The following BPI variants were observed in gnomAD, a reference collection of about 807,000 sequenced individuals.
BPI encodes the protein bactericidal permeability increasing protein, also known as bactericidal permeability-increasing protein.
BPI carries 48 observed loss-of-function variants against 57.6 expected under a neutral mutation model. The ratio of observed to expected loss-of-function variants is 0.83; its 90% confidence interval spans 0.66 to 1.06. BPI has a LOEUF of 1.06. Among genes scored for constraint, BPI ranks in the 50% least tolerant of loss-of-function variants. BPI has a pLI of 0.00. For missense variants in BPI, 651 were observed against 609.7 expected (o/e 1.07, Z -0.71); for synonymous variants, 237 against 238.2 (o/e 0.99, Z 0.05).
rs573096053 is a variant in BPI, at chr20:38,311,239, C to A, written c.536+587C>A. ...TGCTACAGCTAATGAGTGTTCAAGT[C>A]CAGGTCTATTTCACCCCAGACTCAG... On this transcript the variant is annotated intron_variant, in intron 4 of 14. Coordinates refer to ENST00000642449, the MANE Select transcript of BPI (RefSeq NM_001725.3). 3.5e-4 allele frequency among the ~76,000 whole-genome samples: 54 copies of A among 152,332 alleles called. 1 individual carries two copies. Among genetic ancestry groups the A allele is most frequent in the African/African-American group, 1.3e-3 (52 of 41,566 alleles).
At chr20:38,316,329 C>T (rs1472979399) in intron 5 of BPI, among the ~76,000 whole-genome samples, 2 of 152,154 alleles carry the variant, frequency 1.3e-5, no homozygotes, top group Non-Finnish European at 2.9e-5. Context: ...TGCAGCCAAC[C>T]CTAAGGAGGA....
intron 5 of BPI, chr20:38,317,686 T>C (rs1294055704): frequency 1.2e-6 from 1 of 830,166 alleles, no homozygotes; most frequent in Non-Finnish European, 2.0e-6. Flanking sequence ...CTCCATCTCT[T>C]GGTGGGGGTG....
chr20:38,337,464 T>G lies in BPI; in HGVS notation c.*280T>G. 2.9e-6 allele frequency: 1 copy of G among 344,274 alleles called. No homozygotes were observed. The allele number at this position is 344,274 out of a possible 1,614,324, so 21.3% of individuals were successfully genotyped here. A position where few individuals can be genotyped will look rare whatever the true frequency, so the allele number is the denominator to read the frequency against. ...TCAATTGTAACCAAGAAATTTCCAT[T>G]TGTGCTTCATGAAAAAAAACTTCTG... On this transcript the variant is annotated 3_prime_UTR_variant, in exon 15 of 15. Transcript: ENST00000642449.
chr20:38,319,552 G>T (rs1206084504), intron 6 of BPI, among the ~76,000 whole-genome samples: 3 of 152,194 alleles, frequency 2.0e-5, no homozygotes, highest in Admixed American at 2.0e-4. Context: ...AAAAGATTTT[G>T]GTCTGAATGC....
Position 38,323,986 on chromosome 20 carries a change from C to T in BPI, c.873C>T (p.Asn291=). Residue 291 remains asparagine (N), a synonymous_variant, in exon 8 of 15, where the codon AAC becomes AAT. Transcript: ENST00000642449. ...VYLGLSDYFF[N]TAGLVYQEAG... ...TGGGCCTCTCAGACTACTTCTTCAA[C>T]ACAGCCGGGCTTGTATACCAAGAGG... 2 of 1,614,174 alleles carry T rather than the reference C, an allele frequency of 1.2e-6. No individual in the cohort carries two copies. The highest frequency in any genetic ancestry group is 2.2e-5 in the South Asian group (2 of 91,074).
At chr20:38,329,334 A>T (rs2076730614) in intron 11 of BPI, among the ~76,000 whole-genome samples, 1 of 152,088 alleles carries the variant, frequency 6.6e-6, no homozygotes, top group Admixed American at 6.5e-5. Context: ...CTTGACCCAC[A>T]TCCCTGCCCA....
chr20:38,318,280 A>G, intron 5 of BPI, 133 bp from the exon 6 acceptor site: 3 of 1,184,150 alleles, frequency 2.5e-6, no homozygotes, highest in Middle Eastern at 3.9e-4. Context: ...CCAAAAAGAA[A>G]AGGGAAACTT....
chr20:38,328,534 A>G (rs2076725389), intron 11 of BPI, among the ~76,000 whole-genome samples: 1 of 152,118 alleles, frequency 6.6e-6, no homozygotes, highest in South Asian at 2.1e-4. Context: ...TGGGAGACAG[A>G]GTGAGACTCT....
In BPI at chr20:38,310,627, G is replaced by C; in HGVS notation, c.511G>C (p.Val171Leu). The C allele has an allele frequency of 6.2e-7, 1 of 1,613,726 alleles. No individual in the cohort carries two copies. Among genetic ancestry groups the C allele is most frequent in the Non-Finnish European group, 8.5e-7 (1 of 1,179,742 alleles). ...CAGCAGCCACATCAACAGTGTCCAC[G>C]TGCACATCTCAAAGAGCAAAGTGGG... ...SCSSHINSVH[V>L]HISKSKVGWL... Residue 171 changes from valine (V) to leucine (L), a missense_variant, in exon 4 of 15, where the codon GTG becomes CTG. Coordinates refer to ENST00000642449, the MANE Select transcript of BPI (RefSeq NM_001725.3).
chr20:38,323,866 C>A lies in BPI; in HGVS notation c.757-4C>A. The stretch of plus-strand genomic sequence containing the variant: ...TGGGCTCACTCTGTTGCCTCTACCC[C>A]CAGGGGGAGTTTTACAGTGAGAACC... On this transcript the variant is annotated splice_polypyrimidine_tract_variant and splice_region_variant and intron_variant, in intron 7 of 14. Coordinates refer to ENST00000642449, the MANE Select transcript of BPI (RefSeq NM_001725.3). The A allele has an allele frequency of 6.2e-7, 1 of 1,613,670 alleles. No individual in the cohort carries two copies. Among genetic ancestry groups the A allele is most frequent in the Non-Finnish European group, 8.5e-7 (1 of 1,179,780 alleles).
Position 38,318,438 on chromosome 20 carries a change from T to A in BPI, c.626T>A (p.Val209Glu). 6.2e-7 allele frequency: 1 copy of A among 1,613,940 alleles called. No individual in the cohort carries two copies. The highest frequency in any genetic ancestry group is 8.5e-7 in the Non-Finnish European group (1 of 1,179,824). ...GTCTGCGAGAAAGTGACCAATTCTG[T>A]ATCCTCCGAGCTGCAACCTTATTTC... ...SQVCEKVTNS[V>E]SSELQPYFQT... Residue 209 changes from valine to glutamate, a missense_variant, in exon 6 of 15, where the codon GTA becomes GAA. Coordinates refer to ENST00000642449, the MANE Select transcript of BPI (RefSeq NM_001725.3).
At chr20:38,324,345 T>G (rs1232637267) in intron 8 of BPI, among the ~76,000 whole-genome samples, 1 of 152,162 alleles carries the variant, frequency 6.6e-6, no homozygotes, top group Non-Finnish European at 1.5e-5. Context: ...GAGATATTAG[T>G]CTATGAGAGG....
intron 4 of BPI, among the ~76,000 whole-genome samples, chr20:38,311,660 C>T (rs1395928699): frequency 1.3e-5 from 2 of 152,006 alleles, no homozygotes; most frequent in African/African-American, 2.4e-5. Context: ...GGGACGGGGG[C>T]CCAGCCATGC....
chr20:38,314,301 ATGATGG>A (rs1418867307), intron 5 of BPI, among the ~76,000 whole-genome samples: 13 of 141,832 alleles, frequency 9.2e-5, no homozygotes, highest in Non-Finnish European at 1.4e-4. Context: ...GATGATAATG[ATGATGG>A]TGATGGTGAT....
chr20:38,306,610 A>T (rs2076597909), intron 1 of BPI, among the ~76,000 whole-genome samples: 1 of 152,170 alleles, frequency 6.6e-6, no homozygotes, highest in South Asian at 2.1e-4. Context: ...AGCTGACTAG[A>T]AGCTGACCGG....
At chr20:38,329,387 G>C (rs2076731049) in intron 11 of BPI, among the ~76,000 whole-genome samples, 2 of 152,312 alleles carry the variant, frequency 1.3e-5, no homozygotes, top group South Asian at 2.1e-4. Context: ...TCTTCACCTT[G>C]AGACGAGCCC....
At position 38,308,931 on chromosome 20, in the gene BPI, A is replaced by G; in HGVS notation, c.247A>G (p.Met83Val). Residue 83 changes from methionine (M) to valine (V), a missense_variant and splice_region_variant, in exon 3 of 15, where the codon ATG (methionine) becomes GTG (valine). Transcript: ENST00000642449. The stretch of plus-strand genomic sequence containing the variant: ...GACATTCACATTTCTCCTTTGCAGC[A>G]TGGACATCCGTGAATTCCAGCTTCC... ...LGKGHYSFYSMDIREFQLPSS... is the reference protein window; with the variant it reads ...LGKGHYSFYSVDIREFQLPSS... The G allele has an allele frequency of 1.9e-6, 3 of 1,614,214 alleles. No individual in the cohort carries two copies. The highest frequency in any genetic ancestry group is 2.2e-5 in the East Asian group (1 of 44,884).
rs1400374783 is a variant in BPI, at chr20:38,304,325, C to G, written c.102C>G (p.Val34=). ...CGGCCGTCAACCCTGGCGTCGTGGT[C>G]AGGATCTCCCAGAAGGGCCTGGACT... is the stretch of plus-strand genomic sequence containing the variant. ...VTAAVNPGVV[V]RISQKGLDYA... is the part of the protein sequence containing the mutation. The change falls in exon 1 of 15, where the codon GTC becomes GTG. Residue 34 remains valine, a synonymous_variant. Transcript: ENST00000642449. 5.6e-6 allele frequency: 9 copies of G among 1,613,894 alleles called. No homozygotes were observed. Among genetic ancestry groups the G allele is most frequent in the African/African-American group, 1.3e-5 (1 of 74,918 alleles).
chr20:38,319,519 A>G (rs1369986536), intron 6 of BPI, among the ~76,000 whole-genome samples: 1 of 152,230 alleles, frequency 6.6e-6, no homozygotes, highest in African/African-American at 2.4e-5. Context: ...GCAGTGCCCA[A>G]GGTTTGGCCT....
Sources: gnomAD v4.1 joint callset for allele counts (sites outside exome capture counted in the v4.1 genomes callset) on GRCh38, gnomAD v4.1.1 for gene constraint, MANE v1.5 for transcripts, NCBI Gene and HGNC (gene_info 2026-07-23, HGNC 2026-07-21) for gene names.